Variants in PHF20 observed in about 807,000 individuals in gnomAD.
PHF20 encodes the protein PHD finger protein 20.
A neutral mutation model predicts 113.5 loss-of-function variants in PHF20; 23 were observed. The ratio of observed to expected loss-of-function variants is 0.20; its 90% CI spans 0.15 to 0.29. PHF20 has a LOEUF of 0.29. Ranked by LOEUF, PHF20 falls within the 10% of genes least tolerant of loss-of-function variation. The pLI, the probability that PHF20 is intolerant of heterozygous loss-of-function variation, is 1.00. For synonymous variants in PHF20, 434 were observed against 457.3 expected, an observed-to-expected ratio of 0.95 and a Z score of 0.65; for missense variants, 943 against 1,219.6, an observed-to-expected ratio of 0.77 and a Z score of 3.38.
chr20:35,831,554 T>C (rs748273736), intron 2 of PHF20, among the ~76,000 whole-genome samples: 1 of 152,148 alleles, frequency 6.6e-6, no homozygotes, highest in Non-Finnish European at 1.5e-5. Context: ...AGCCTCAAAC[T>C]CTTGGGCTCA....
In PHF20 at chr20:35,948,637, T is replaced by A. The variant is rs2056126973; in HGVS notation, c.*1010T>A. Reference sequence around the variant, plus strand: ...AACATTTTACATTTCCTGTTTGTATTATTTTGTGAGAGCAAGGTGATCATG... The same window carrying A: ...AACATTTTACATTTCCTGTTTGTATAATTTTGTGAGAGCAAGGTGATCATG... On this transcript the variant is annotated 3_prime_UTR_variant, in exon 18 of 18. Coordinates refer to ENST00000374012, the MANE Select transcript of PHF20 (RefSeq NM_016436.5). The A allele has an allele frequency of 6.5e-6, 1 of 152,678 alleles. No individual in the cohort carries two copies. The allele number at this position is 152,678 out of a possible 1,614,324, so 9.5% of individuals were successfully genotyped here.
chr20:35,799,047 C>T (rs921189762), intron 1 of PHF20, among the ~76,000 whole-genome samples: 1 of 152,042 alleles, frequency 6.6e-6, no homozygotes, highest in African/African-American at 2.4e-5. Flanking sequence ...CATGTACTCA[C>T]TTCTGTGATT....
intron 1 of PHF20, chr20:35,775,020 T>C (rs575813733): frequency 6.6e-6 from 1 of 152,368 alleles, no homozygotes; most frequent in South Asian, 2.1e-4. Context: ...GAGGTCTGTC[T>C]GAGCAGTACC....
chr20:35,811,674 A>G (rs1031421760), intron 2 of PHF20, among the ~76,000 whole-genome samples: 29 of 152,108 alleles, frequency 1.9e-4, no homozygotes, highest in Admixed American at 3.9e-4. Flanking sequence ...TCCTGGCCTC[A>G]GGTGATCCAC....
Position 35,938,916 on chromosome 20 carries a change from C to T in PHF20, c.2520C>T (p.Cys840=). 1.2e-6 allele frequency: 2 copies of T among 1,614,246 alleles called. No individual in the cohort carries two copies. The highest frequency in any genetic ancestry group is 1.7e-6 in the Non-Finnish European group (2 of 1,180,038). The change falls in exon 16 of 18, where the codon TGC becomes TGT. Residue 840 remains cysteine (C), a synonymous_variant. Transcript: ENST00000374012. ...VEESYITSEH[C]YQKPRAYYPA... is the part of the protein sequence containing the mutation. ...AATCCTATATCACCAGTGAGCATTG[C>T]TACCAGAAGCCCCGCGCCTATTACC...
chr20:35,940,357 G>C (rs1177795393), intron 16 of PHF20, among the ~76,000 whole-genome samples: 1 of 151,948 alleles, frequency 6.6e-6, no homozygotes, highest in Non-Finnish European at 1.5e-5. Context: ...ACTGTAAGCT[G>C]GCCTTGCTTT....
At chr20:35,772,259 T>C (rs926112181) in intron 1 of PHF20, among the ~76,000 whole-genome samples, 180 bp downstream of exon 1, 2 of 151,772 alleles carry the variant, frequency 1.3e-5, no homozygotes, top group African/African-American at 4.8e-5. Context: ...GGACTGCTGC[T>C]GAGAGCGTGG....
At chr20:35,859,912 T>C (rs2054186480) in intron 5 of PHF20, among the ~76,000 whole-genome samples, 1 of 152,120 alleles carries the variant, frequency 6.6e-6, no homozygotes, top group South Asian at 2.1e-4. Flanking sequence ...TTCTTCTGTA[T>C]GTATATTTGT....
intron 1 of PHF20, among the ~76,000 whole-genome samples, chr20:35,773,576 CCTAT>C (rs1398534428): frequency 1.3e-5 from 2 of 152,186 alleles, no homozygotes; most frequent in African/African-American, 4.8e-5. Flanking sequence ...TTTTGATAGG[CCTAT>C]CTTTTATCTT....
intron 10 of PHF20, among the ~76,000 whole-genome samples, chr20:35,911,812 C>T (rs2055309995): frequency 2.0e-5 from 3 of 151,950 alleles, no homozygotes; most frequent in Non-Finnish European, 4.4e-5. Context: ...GCATCTGCCA[C>T]CACGCCTGAC....
In PHF20 at chr20:35,815,017, G is replaced by A. The variant is rs188225609; in HGVS notation, c.83+13412G>A. On this transcript the variant is annotated intron_variant, in intron 2 of 17. Transcript: ENST00000374012. ...TTGAGACCAAACTGGCCAACATGAT[G>A]AAACCCCGTCTCTACTAAAAATACA... 7.5e-4 allele frequency among the ~76,000 whole-genome samples: 114 copies of A among 151,792 alleles called. 1 individual carries two copies. Among genetic ancestry groups the A allele is most frequent in the African/African-American group, 2.7e-3 (110 of 41,456 alleles).
At chr20:35,792,176 G>A (rs914868254) in intron 1 of PHF20, among the ~76,000 whole-genome samples, 3 of 151,940 alleles carry the variant, frequency 2.0e-5, no homozygotes, top group African/African-American at 7.2e-5. Context: ...AAGTTTTGAG[G>A]CCTATTTCTT....
chr20:35,850,950 T>G, intron 4 of PHF20: 1 of 495,120 alleles, frequency 2.0e-6, no homozygotes, highest in Non-Finnish European at 3.8e-6. Flanking sequence ...GCAATGAAGC[T>G]GCTGCTTTAA....
chr20:35,947,336 GCC>G, intron 17 of PHF20, 147 bp from the exon 18 acceptor site: 2 of 660,880 alleles, frequency 3.0e-6, no homozygotes, highest in Non-Finnish European at 2.5e-6. Flanking sequence ...GGCTGAAATG[GCC>G]CTTCCTCCCT....
chr20:35,842,651 T>C lies in PHF20; in HGVS notation c.162T>C (p.Tyr54=), dbSNP rs1343526547. 2 of 1,613,920 alleles carry C rather than the reference T, an allele frequency of 1.2e-6. No individual in the cohort carries two copies. Among genetic ancestry groups the C allele is most frequent in the South Asian group, 2.2e-5 (2 of 91,082 alleles). ...LIHFKRWNHR[Y]DEWFCWDSPY... The stretch of plus-strand genomic sequence containing the variant: ...ATTTCAAGCGTTGGAACCATCGTTA[T>C]GATGAGTGGTTCTGCTGGGACAGTC... The change falls in exon 3 of 18, where the codon TAT becomes TAC. Residue 54 remains tyrosine, a synonymous_variant. Transcript: ENST00000374012.
intron 1 of PHF20, among the ~76,000 whole-genome samples, chr20:35,783,027 C>G (rs2041332510): frequency 6.6e-6 from 1 of 151,766 alleles, no homozygotes; most frequent in Non-Finnish European, 1.5e-5. Context: ...AACCTCATCT[C>G]TATAACACAG....
At chr20:35,869,272 T>G (rs2054374478) in intron 6 of PHF20, among the ~76,000 whole-genome samples, 166 bp from the exon 7 acceptor site, 1 of 152,156 alleles carries the variant, frequency 6.6e-6, no homozygotes, top group South Asian at 2.1e-4. Context: ...TTCTCACTCA[T>G]TTTACTTTTT....
At chr20:35,772,742 G>A (rs1405328118) in intron 1 of PHF20, among the ~76,000 whole-genome samples, 2 of 151,672 alleles carry the variant, frequency 1.3e-5, no homozygotes, top group Non-Finnish European at 2.9e-5. Flanking sequence ...ATTTGATTCT[G>A]CATTTCCGTT....
At chr20:35,878,339 T>G (rs1028583467) in intron 9 of PHF20, 2 of 326,128 alleles carry the variant, frequency 6.1e-6, no homozygotes, top group African/African-American at 2.2e-5. Context: ...AATGAAACTA[T>G]GAGAATAGAG....
Sources: gnomAD v4.1 joint callset for allele counts (sites outside exome capture counted in the v4.1 genomes callset) on GRCh38, gnomAD v4.1.1 for gene constraint, MANE v1.5 for transcripts, NCBI Gene and HGNC (gene_info 2026-07-23, HGNC 2026-07-21) for gene names.